The following OVCH1 variants were observed in gnomAD, a reference collection of about 807,000 sequenced individuals.
OVCH1 encodes the protein ovochymase 1, also known as ovochymase-1.
A neutral mutation model predicts 138.4 loss-of-function variants in OVCH1; 139 were observed. That is an observed-to-expected ratio of 1.00 (90% CI 0.87 to 1.16). The LOEUF is 1.16. Ranked by LOEUF, OVCH1 falls within the 50% of genes most tolerant of loss-of-function variation. The pLI is 0.00. For missense variants in OVCH1, 1,367 were observed against 1,357.9 expected (o/e 1.01, Z -0.11); for synonymous variants, 453 against 467.8 (o/e 0.97, Z 0.41).
Position 29,443,354 on chromosome 12 carries a change from C to A in OVCH1, c.3157+7G>T. The A allele has an allele frequency of 6.2e-7, 1 of 1,607,930 alleles. No homozygotes were observed. The highest frequency in any genetic ancestry group is 1.1e-5 in the South Asian group (1 of 90,156). ...AGTAGCATAGAGATTCATGGGAAAT[C>A]AGTTACCTATTAATTTTTTTCCTGG... is the stretch of plus-strand genomic sequence containing the variant. On this transcript the variant is annotated splice_region_variant and intron_variant, in intron 25 of 27. Coordinates refer to ENST00000318184, the Ensembl canonical transcript of OVCH1.
chr12:29,442,560 C>T (rs1941514148), intron 25 of OVCH1, among the ~76,000 whole-genome samples: 1 of 150,894 alleles, frequency 6.6e-6, no homozygotes, highest in Non-Finnish European at 1.5e-5. Flanking sequence ...CAGCATGGCA[C>T]ATGTATACAT....
chr12:29,478,807 C>T (rs1565603202), intron 9 of OVCH1, 28 bp downstream of exon 10: 1 of 1,478,536 alleles, frequency 6.8e-7, no homozygotes, highest in Non-Finnish European at 9.1e-7. Context: ...TCTAAAATGA[C>T]AAATAAAAAC....
At chr12:29,463,937 C>T (rs1185268841) in intron 18 of OVCH1, among the ~76,000 whole-genome samples, 2 of 152,140 alleles carry the variant, frequency 1.3e-5, no homozygotes, top group African/African-American at 4.8e-5. Context: ...AGATCTTTCA[C>T]TGTTTTACTA....
chr12:29,417,633 ATTAT>A (rs1157490557), intron 3 of OVCH1, among the ~76,000 whole-genome samples: 1 of 152,088 alleles, frequency 6.6e-6, no homozygotes, highest in Non-Finnish European at 1.5e-5. Flanking sequence ...TAAATCTAAA[ATTAT>A]TTCAATATAA....
intron 4 of OVCH1, among the ~76,000 whole-genome samples, chr12:29,493,048 G>C (rs1233881358): frequency 6.6e-6 from 1 of 152,174 alleles, no homozygotes; most frequent in African/African-American, 2.4e-5. Context: ...ACAGTGGAGA[G>C]AAAGTCTGAT....
At chr12:29,494,621 G>A (rs966958489) in intron 4 of OVCH1, among the ~76,000 whole-genome samples, 10 of 152,052 alleles carry the variant, frequency 6.6e-5, no homozygotes, top group Admixed American at 2.0e-4. Flanking sequence ...TATACACAAC[G>A]GACTATTATT....
intron 16 of OVCH1, among the ~76,000 whole-genome samples, chr12:29,467,063 C>A (rs762778394): frequency 6.6e-6 from 1 of 152,052 alleles, no homozygotes; most frequent in Non-Finnish European, 1.5e-5. Context: ...ATTAACGGAG[C>A]TAACTCAAGT....
rs1942707810 is a variant in OVCH1, at chr12:29,476,200, A to G, written c.1471+6T>C. ...CTTTCATATTTAAAGGGTGAAGTCT[A>G]CCTACCTAACTTGTGCTTTTCTTCA... On this transcript the variant is annotated splice_donor_region_variant and intron_variant, in intron 13 of 27. Transcript: ENST00000318184. 3 of 1,604,410 alleles carry G rather than the reference A, an allele frequency of 1.9e-6. No individual in the cohort carries two copies. Among genetic ancestry groups the G allele is most frequent in the Non-Finnish European group, 2.6e-6 (3 of 1,171,384 alleles).
chr12:29,402,983 C>T, the OVCH1 span, among the ~76,000 whole-genome samples: 70 of 152,282 alleles, frequency 4.6e-4, 1 homozygote, highest in Middle Eastern at 3.4e-3. Flanking sequence ...AGATTATTAA[C>T]CAGTTTCAAT....
At chr12:29,483,954 G>C (rs538307134) in intron 8 of OVCH1, among the ~76,000 whole-genome samples, 1 of 152,216 alleles carries the variant, frequency 6.6e-6, no homozygotes, top group South Asian at 2.1e-4. Context: ...GCACTTTCTT[G>C]GATGGTATGG....
rs746403543 is a variant in OVCH1, at chr12:29,451,444, T to C, written c.2656A>G (p.Lys886Glu). 1.1e-5 allele frequency: 17 copies of C among 1,613,184 alleles called. No individual in the cohort carries two copies. The African/African-American group carries it at 2.1e-4, about 20-fold the overall frequency. The change falls in exon 22 of 28, where the codon AAA becomes GAA. Residue 886 changes from lysine to glutamate, a missense_variant. Coordinates refer to ENST00000318184, the Ensembl canonical transcript of OVCH1. ...AGTGACAGATACTCAATGGTAAATT[T>C]TGCCATACTGCTTGCTGAAACTCTG...
chr12:29,448,940 C>A (rs1565577523), intron 22 of OVCH1, among the ~76,000 whole-genome samples: 2 of 152,144 alleles, frequency 1.3e-5, no homozygotes, highest in Admixed American at 1.3e-4. Context: ...CAAATTATTT[C>A]AATCACCTCC....
chr12:29,461,784 T>C, intron 19 of OVCH1, 70 bp downstream of exon 19: 1 of 1,584,330 alleles, frequency 6.3e-7, no homozygotes, highest in Non-Finnish European at 8.7e-7. Flanking sequence ...CAATGGTTTC[T>C]CCTGTCTATA....
intron 12 of OVCH1, among the ~76,000 whole-genome samples, chr12:29,476,739 A>G (rs956422400): frequency 2.0e-5 from 3 of 148,818 alleles, no homozygotes; most frequent in Non-Finnish European, 4.4e-5. Context: ...GCCAAGCAGC[A>G]TAAGTACACA....
chr12:29,447,122 A>G (rs1017093665), intron 22 of OVCH1, among the ~76,000 whole-genome samples: 10 of 152,198 alleles, frequency 6.6e-5, no homozygotes, highest in African/African-American at 2.4e-4. Flanking sequence ...AGCAATAAAA[A>G]GAATAATACT....
intron 27 of OVCH1, among the ~76,000 whole-genome samples, chr12:29,428,718 A>AG (rs1367388363): frequency 6.6e-6 from 1 of 152,200 alleles, no homozygotes; most frequent in Admixed American, 6.5e-5. Flanking sequence ...CTATCATAGG[A>AG]GGGGTCAAGG....
the OVCH1 span, among the ~76,000 whole-genome samples, chr12:29,405,778 T>C: frequency 6.6e-6 from 1 of 152,240 alleles, no homozygotes; most frequent in Non-Finnish European, 1.5e-5. Context: ...AATTCATTTT[T>C]AAATGTTAAG....
rs7316813 is a variant in OVCH1 at position 29,459,291 on chromosome 12, A to G, written c.2280+2563T>C. Reference sequence around the variant, plus strand: ...ATGTGGTTCATATACACAATGGAGTACTACTCAGCCATACAAAAGACTGAG... The same window carrying G: ...ATGTGGTTCATATACACAATGGAGTGCTACTCAGCCATACAAAAGACTGAG... On this transcript the variant is annotated intron_variant, in intron 19 of 27. Transcript: ENST00000318184. Among the ~76,000 whole-genome samples, 368 of 152,330 alleles carry G rather than the reference A, an allele frequency of 2.4e-3. 5 individuals are homozygous for G. Among genetic ancestry groups the G allele is most frequent in the African/African-American group, 7.9e-3 (328 of 41,574 alleles).
At chr12:29,403,643 A>T in the OVCH1 span, among the ~76,000 whole-genome samples, 2 of 152,190 alleles carry the variant, frequency 1.3e-5, no homozygotes, top group African/African-American at 4.8e-5. Flanking sequence ...GATAAATTAA[A>T]TACCTTATAA....
Sources: gnomAD v4.1 joint callset for allele counts (sites outside exome capture counted in the v4.1 genomes callset) on GRCh38, gnomAD v4.1.1 for gene constraint, MANE v1.5 for transcripts, NCBI Gene and HGNC (gene_info 2026-07-23, HGNC 2026-07-21) for gene names.